Variants in LYPD6 observed in about 807,000 individuals in gnomAD.
LYPD6 encodes LY6/PLAUR domain containing 6, also known as ly6/PLAUR domain-containing protein 6.
Under a neutral mutation model 22.7 loss-of-function variants are expected in LYPD6, and 15 were observed. The ratio of observed to expected loss-of-function variants is 0.66; its 90% confidence interval spans 0.44 to 1.02. The LOEUF is 1.02. Among genes scored for constraint, LYPD6 ranks in the 50% least tolerant of loss-of-function variants. LYPD6 has a pLI of 0.00. For synonymous variants in LYPD6, 72 were observed against 77.5 expected (o/e 0.93, Z 0.37); for missense variants, 189 against 208.4 (o/e 0.91, Z 0.57).
intron 1 of LYPD6, among the ~76,000 whole-genome samples, chr2:149,388,533 A>G (rs1682239473): frequency 6.6e-6 from 1 of 152,074 alleles, no homozygotes; most frequent in Non-Finnish European, 1.5e-5. Context: ...GCCAAGCACA[A>G]GAAGGTCCTT....
chr2:149,406,799 C>T (rs1057004577), intron 1 of LYPD6, among the ~76,000 whole-genome samples: 8 of 152,010 alleles, frequency 5.3e-5, no homozygotes, highest in South Asian at 2.1e-4. Context: ...TTATTTTGCT[C>T]GTTAGTTGAT....
chr2:149,420,504 T>G (rs1683054794), intron 1 of LYPD6, among the ~76,000 whole-genome samples: 1 of 152,150 alleles, frequency 6.6e-6, no homozygotes, highest in South Asian at 2.1e-4. Context: ...TCGAGTGTGC[T>G]TGGCTGGAAA....
At position 149,449,028 on chromosome 2, in the gene LYPD6, T is replaced by C. The variant is rs780661726; in HGVS notation, c.119-21T>C. On this transcript the variant is annotated intron_variant, in intron 2 of 4. Transcript: ENST00000334166. ...GTGCCTTGTCTAAAAATTAATCTTTTCTCTTAATCCTTTTTTTTAGCCACA... is the reference window on the plus strand; with the variant it reads ...GTGCCTTGTCTAAAAATTAATCTTTCCTCTTAATCCTTTTTTTTAGCCACA... 7.7e-6 allele frequency: 12 copies of C among 1,559,704 alleles called. No homozygotes were observed. The South Asian group carries it at 1.4e-4, about 18-fold the overall frequency.
In LYPD6 at chr2:149,358,717, TTAG is replaced by T. The variant is rs1287271651; in HGVS notation, c.-72+28000_-72+28002del. ...TAGAATTTGAATTTTATTCTAGATATTAGTAGTTTTCCAACGTTTTTGGTTTAC... is the reference window on the plus strand; with the variant it reads ...TAGAATTTGAATTTTATTCTAGATATTAGTTTTCCAACGTTTTTGGTTTAC... On this transcript the variant is annotated intron_variant, in intron 1 of 4. Coordinates refer to ENST00000334166, the MANE Select transcript of LYPD6 (RefSeq NM_194317.5). Among the ~76,000 whole-genome samples, 3 of 152,258 alleles carry T rather than the reference TTAG, an allele frequency of 2.0e-5. No individual in the cohort carries two copies. The East Asian group carries it at 5.8e-4, about 29-fold the overall frequency.
intron 1 of LYPD6, chr2:149,368,273 G>T (rs1302941779): frequency 1.3e-5 from 2 of 152,308 alleles, no homozygotes; most frequent in African/African-American, 4.8e-5. Flanking sequence ...AGGCATTGGA[G>T]TATTAGGTAT....
rs1270349179 is a variant in LYPD6, at chr2:149,469,872, G to T, written c.349-811G>T. Among the ~76,000 whole-genome samples the T allele has an allele frequency of 2.0e-5, 3 of 152,268 alleles. No individual in the cohort carries two copies. The South Asian group carries it at 6.2e-4, about 32-fold the overall frequency. Reference sequence around the variant, plus strand: ...CAACATTATACTGACTTCCTGGCACGTGTCACTGTGACTAAAGACTCAAAT... The same window carrying T: ...CAACATTATACTGACTTCCTGGCACTTGTCACTGTGACTAAAGACTCAAAT... On this transcript the variant is annotated intron_variant, in intron 4 of 4. Transcript: ENST00000334166.
chr2:149,331,714 A>T (rs1573722201), intron 1 of LYPD6, among the ~76,000 whole-genome samples: 1 of 152,206 alleles, frequency 6.6e-6, no homozygotes, highest in South Asian at 2.1e-4. Flanking sequence ...CCCAGAGCAT[A>T]TGACAAAAAG....
intron 1 of LYPD6, among the ~76,000 whole-genome samples, chr2:149,386,037 C>T (rs1682177555): frequency 6.6e-6 from 1 of 152,090 alleles, no homozygotes; most frequent in Admixed American, 6.5e-5. Context: ...GTTACAATTG[C>T]CTATGTTTTC....
intron 1 of LYPD6, among the ~76,000 whole-genome samples, chr2:149,389,939 A>AC (rs1409680352): frequency 1.3e-5 from 2 of 151,528 alleles, no homozygotes; most frequent in East Asian, 3.9e-4. Context: ...ATGTTAGCAG[A>AC]CCCCCTCCCT....
At chr2:149,414,191 A>G (rs1230880714) in intron 1 of LYPD6, among the ~76,000 whole-genome samples, 1 of 152,222 alleles carries the variant, frequency 6.6e-6, no homozygotes, top group Non-Finnish European at 1.5e-5. Context: ...GTTTTATGCC[A>G]CTATTCAGAA....
At chr2:149,411,009 A>G (rs749248948) in intron 1 of LYPD6, among the ~76,000 whole-genome samples, 2 of 152,256 alleles carry the variant, frequency 1.3e-5, no homozygotes, top group Non-Finnish European at 2.9e-5. Context: ...CAGCAGAACT[A>G]CTGATGAAGT....
intron 1 of LYPD6, among the ~76,000 whole-genome samples, chr2:149,430,114 A>G (rs987281332): frequency 3.3e-5 from 5 of 152,070 alleles, no homozygotes; most frequent in African/African-American, 2.4e-5. Flanking sequence ...TTATTTATTT[A>G]TTTGAGATGA....
At chr2:149,454,627 G>C (rs145728197) in intron 3 of LYPD6, among the ~76,000 whole-genome samples, 285 of 152,082 alleles carry the variant, frequency 1.9e-3, no homozygotes, top group Non-Finnish European at 3.1e-3. Context: ...GCTAGGCATG[G>C]GGCATGTAAG....
At chr2:149,482,503 G>A in the LYPD6 span, among the ~76,000 whole-genome samples, 1 of 152,154 alleles carries the variant, frequency 6.6e-6, no homozygotes, top group Non-Finnish European at 1.5e-5. Context: ...CAGCTACAAA[G>A]CAGCAGGAAT....
At chr2:149,412,988 A>T (rs1682885546) in intron 1 of LYPD6, among the ~76,000 whole-genome samples, 1 of 152,166 alleles carries the variant, frequency 6.6e-6, no homozygotes, top group African/African-American at 2.4e-5. Context: ...GTATTTTGCT[A>T]GGTTTCTGAT....
intron 1 of LYPD6, among the ~76,000 whole-genome samples, chr2:149,397,570 A>G (rs1682454493): frequency 6.6e-6 from 1 of 152,210 alleles, no homozygotes. Context: ...TTTATAGACA[A>G]ACTACCACAA....
chr2:149,467,672 GC>G (rs1315013174), intron 3 of LYPD6, among the ~76,000 whole-genome samples: 2 of 152,050 alleles, frequency 1.3e-5, no homozygotes, highest in Admixed American at 1.3e-4. Context: ...TATAAAGCAT[GC>G]AAAGTTGGAT....
At chr2:149,411,622 T>C (rs1229267416) in intron 1 of LYPD6, among the ~76,000 whole-genome samples, 1 of 152,166 alleles carries the variant, frequency 6.6e-6, no homozygotes, top group Non-Finnish European at 1.5e-5. Context: ...TCACATGATA[T>C]GATTGACAGT....
chr2:149,338,078 C>T (rs1398478948), intron 1 of LYPD6, among the ~76,000 whole-genome samples: 4 of 149,444 alleles, frequency 2.7e-5, no homozygotes, highest in African/African-American at 9.7e-5. Context: ...AGGTTGATTC[C>T]ATGTATTTGC....
Sources: gnomAD v4.1 joint callset for allele counts (sites outside exome capture counted in the v4.1 genomes callset) on GRCh38, gnomAD v4.1.1 for gene constraint, MANE v1.5 for transcripts, NCBI Gene and HGNC (gene_info 2026-07-23, HGNC 2026-07-21) for gene names.